Variants in TTC23 observed in about 807,000 individuals in gnomAD.
TTC23 encodes tetratricopeptide repeat domain 23, also known as tetratricopeptide repeat protein 23.
A neutral mutation model predicts 55.1 loss-of-function variants in TTC23; 58 were observed. The ratio of observed to expected loss-of-function variants is 1.05; its 90% CI spans 0.85 to 1.31. TTC23 has a LOEUF of 1.31. Ranked by LOEUF, TTC23 falls within the 50% of genes most tolerant of loss-of-function variation. TTC23 has a pLI of 0.00. For synonymous variants in TTC23, 203 were observed against 199.9 expected (o/e 1.02, Z -0.13); for missense variants, 516 against 534.4 (o/e 0.97, Z 0.34).
chr15:99,165,627 TC>T (rs756358166), intron 10 of TTC23, among the ~76,000 whole-genome samples: 1 of 151,798 alleles, frequency 6.6e-6, no homozygotes, highest in African/African-American at 2.4e-5. Flanking sequence ...ATGGGGCCTG[TC>T]CCCAGCCAGA....
chr15:99,183,730 G>A (rs1010051484), intron 9 of TTC23, among the ~76,000 whole-genome samples: 1 of 152,084 alleles, frequency 6.6e-6, no homozygotes, highest in African/African-American at 2.4e-5. Flanking sequence ...CAGTAGAAAA[G>A]GAAAACCCAT....
rs761427169 is a variant in TTC23, at chr15:99,167,439, T to A, written c.866-5572A>T. Among the ~76,000 whole-genome samples the A allele has an allele frequency of 9.2e-5, 14 of 152,328 alleles. No homozygotes were observed. The East Asian group carries it at 2.7e-3, about 29-fold the overall frequency. On this transcript the variant is annotated intron_variant, in intron 10 of 13. Coordinates refer to ENST00000394132, the MANE Select transcript of TTC23 (RefSeq NM_001288615.3). ...ATCTGAGCCCTAATGGCACAGGTGT[T>A]CCAAGGCCACGAATCTTCTATTTTC...
intron 9 of TTC23, among the ~76,000 whole-genome samples, chr15:99,187,868 T>C (rs1011498317): frequency 7.9e-5 from 12 of 152,018 alleles, no homozygotes; most frequent in African/African-American, 2.9e-4. Flanking sequence ...TGTGGAGATA[T>C]TGGAACTTTC....
intron 8 of TTC23, among the ~76,000 whole-genome samples, 158 bp downstream of exon 8, chr15:99,218,430 G>T (rs1342353114): frequency 6.6e-6 from 1 of 152,170 alleles, no homozygotes; most frequent in African/African-American, 2.4e-5. Flanking sequence ...GGTTGGGGCT[G>T]CTCTGACATG....
At chr15:99,196,551 G>A (rs1326011106) in intron 9 of TTC23, among the ~76,000 whole-genome samples, 1 of 152,182 alleles carries the variant, frequency 6.6e-6, no homozygotes, top group Non-Finnish European at 1.5e-5. Context: ...GAAACCTGGG[G>A]TAAAGCTGGA....
chr15:99,152,990 G>A (rs1345648569), intron 12 of TTC23, among the ~76,000 whole-genome samples: 1 of 152,124 alleles, frequency 6.6e-6, no homozygotes, highest in Non-Finnish European at 1.5e-5. Context: ...GTAGAGACAG[G>A]GTTTCGCTGT....
chr15:99,144,825 T>C (rs1295553724), intron 12 of TTC23: 1 of 152,204 alleles, frequency 6.6e-6, no homozygotes, highest in Non-Finnish European at 1.5e-5. Context: ...AAATCACTAC[T>C]CTTCTTTATA....
chr15:99,174,864 G>A (rs1465036876), intron 10 of TTC23, among the ~76,000 whole-genome samples, 186 bp downstream of exon 10: 1 of 152,014 alleles, frequency 6.6e-6, no homozygotes, highest in Non-Finnish European at 1.5e-5. Context: ...TAGAAGAAGG[G>A]GAGAGAAACC....
chr15:99,238,909 T>G (rs546142696), intron 3 of TTC23, among the ~76,000 whole-genome samples: 5 of 152,306 alleles, frequency 3.3e-5, no homozygotes, highest in African/African-American at 1.2e-4. Context: ...GAGATTATCT[T>G]TTTTCTTGAG....
At chr15:99,174,484 G>C (rs551641537) in intron 10 of TTC23, among the ~76,000 whole-genome samples, 88 of 150,434 alleles carry the variant, frequency 5.8e-4, no homozygotes, top group African/African-American at 2.1e-3. Flanking sequence ...AAAATCATTA[G>C]TACTATGTGT....
At chr15:99,208,261 T>TAC (rs1203065490) in intron 8 of TTC23, among the ~76,000 whole-genome samples, 3 of 152,048 alleles carry the variant, frequency 2.0e-5, no homozygotes, top group South Asian at 2.1e-4. Context: ...TATATATATA[T>TAC]ACACACATAT....
At chr15:99,155,187 C>A (rs1490768794) in intron 12 of TTC23, among the ~76,000 whole-genome samples, 1 of 152,070 alleles carries the variant, frequency 6.6e-6, no homozygotes, top group Non-Finnish European at 1.5e-5. Flanking sequence ...GTAGATAAAT[C>A]TCCATTTATA....
chr15:99,205,477 T>C (rs558656964), intron 8 of TTC23, among the ~76,000 whole-genome samples: 6 of 152,248 alleles, frequency 3.9e-5, no homozygotes, highest in Admixed American at 2.6e-4. Flanking sequence ...CAATGTTTTA[T>C]AGTTTTCATT....
chr15:99,154,961 T>G (rs58627039), intron 12 of TTC23, among the ~76,000 whole-genome samples: 15,798 of 152,204 alleles, frequency 0.1, 1,043 homozygotes, highest in East Asian at 0.28. Flanking sequence ...GTCAATGCAG[T>G]TAGACAAAAG....
chr15:99,250,552 T>C (rs1046687630), upstream of TTC23, among the ~76,000 whole-genome samples: 2 of 152,202 alleles, frequency 1.3e-5, no homozygotes, highest in African/African-American at 4.8e-5. Context: ...CAGAAGGAAA[T>C]TTGTCATATT....
Position 99,136,531 on chromosome 15 carries a change from C to G in TTC23, c.*1479G>C, listed in dbSNP as rs1456245099. ...CAGACGGCTGTCTTCTCACTGTGTC[C>G]TCACATGGTGGAGAGAGAGATCATC... is the stretch of plus-strand genomic sequence containing the variant. On this transcript the variant is annotated 3_prime_UTR_variant, in exon 14 of 14. Transcript: ENST00000394132. 6.6e-6 allele frequency: 1 copy of G among 152,204 alleles called. No homozygotes were observed. Among genetic ancestry groups the G allele is most frequent in the African/African-American group, 2.4e-5 (1 of 41,442 alleles). The allele number at this position is 152,204 out of a possible 1,614,324, so 9.4% of individuals were successfully genotyped here. A position where few individuals can be genotyped will look rare whatever the true frequency, so the allele number is the denominator to read the frequency against.
rs572500198 is a variant in TTC23 at position 99,197,141 on chromosome 15, C to T, written c.759+2778G>A. Among the ~76,000 whole-genome samples, 17 of 150,990 alleles carry T rather than the reference C, an allele frequency of 1.1e-4. 1 individual carries two copies. In the East Asian group the frequency reaches 1.2e-3, roughly 10 times the overall value. On this transcript the variant is annotated intron_variant, in intron 9 of 13. Coordinates refer to ENST00000394132, the MANE Select transcript of TTC23 (RefSeq NM_001288615.3). ...TTTTTGAGACGGAGTCACGCTCCAACGCCCAGGCTGGAATGCAGTGGCGCG... is the reference window on the plus strand; with the variant it reads ...TTTTTGAGACGGAGTCACGCTCCAATGCCCAGGCTGGAATGCAGTGGCGCG...
chr15:99,164,752 C>T (rs546248861), intron 10 of TTC23, among the ~76,000 whole-genome samples: 2 of 152,124 alleles, frequency 1.3e-5, no homozygotes, highest in Non-Finnish European at 1.5e-5. Flanking sequence ...TTTTCTCATT[C>T]TGTGACGGTA....
Position 99,200,100 on chromosome 15 carries a change from A to G in TTC23, c.582-4T>C. ...CTTCTTCTGACCTTGATACACCCTAAAAAAATCAAAGGAATTATTTTATTT... is the reference window on the plus strand; with the variant it reads ...CTTCTTCTGACCTTGATACACCCTAGAAAAATCAAAGGAATTATTTTATTT... On this transcript the variant is annotated splice_polypyrimidine_tract_variant and splice_region_variant and intron_variant, in intron 8 of 13. Coordinates refer to ENST00000394132, the MANE Select transcript of TTC23 (RefSeq NM_001288615.3). 1 of 1,569,366 alleles carries G rather than the reference A, an allele frequency of 6.4e-7. No individual in the cohort carries two copies. Among genetic ancestry groups the G allele is most frequent in the African/African-American group, 1.4e-5 (1 of 72,708 alleles).
Sources: gnomAD v4.1 joint callset for allele counts (sites outside exome capture counted in the v4.1 genomes callset) on GRCh38, gnomAD v4.1.1 for gene constraint, MANE v1.5 for transcripts, NCBI Gene and HGNC (gene_info 2026-07-23, HGNC 2026-07-21) for gene names.